PCDHA5: variants seen among roughly 807,000 people sequenced by gnomAD.
PCDHA5 encodes the protein protocadherin alpha 5, also known as protocadherin alpha-5.
Under a neutral mutation model 61.6 loss-of-function variants are expected in PCDHA5, and 43 were observed. The observed-to-expected ratio is 0.70, with a 90% CI of 0.55 to 0.90. The LOEUF (loss-of-function observed/expected upper bound fraction) is 0.90. Among genes scored for constraint, PCDHA5 ranks in the 40% least tolerant of loss-of-function variants. The pLI, the probability that PCDHA5 is intolerant of heterozygous loss-of-function variation, is 0.00. For missense variants in PCDHA5, 1,298 were observed against 1,222.7 expected (o/e 1.06, Z -0.92); for synonymous variants, 627 against 543.9 (o/e 1.15, Z -2.13).
intron 1 of PCDHA5, chr5:140,875,810 C>A: frequency 6.2e-7 from 1 of 1,614,106 alleles, no homozygotes; most frequent in Non-Finnish European, 8.5e-7. Flanking sequence ...GTGGACAGGC[C>A]GCTGCAGGTT....
chr5:140,875,419 G>A (rs782346114), intron 1 of PCDHA5: 51 of 1,516,154 alleles, frequency 3.4e-5, no homozygotes, highest in Admixed American at 4.8e-5. Context: ...AATACCTCAG[G>A]CAAGCGATCC....
chr5:140,978,994 G>A lies in PCDHA5; in HGVS notation c.2398G>A (p.Ala800Thr). The A allele has an allele frequency of 6.2e-7, 1 of 1,614,152 alleles. No homozygotes were observed. The highest frequency in any genetic ancestry group is 8.5e-7 in the Non-Finnish European group (1 of 1,180,022). The change falls in exon 2 of 4, where the codon GCA (alanine) becomes ACA (threonine). Residue 800 changes from alanine to threonine, a missense_variant. Coordinates refer to ENST00000529859, the MANE Select transcript of PCDHA5 (RefSeq NM_018908.3). ...CTGGCGTTACTCTGCCTCCCTGAGA[G>A]CAGGCATGCACAGGTATGTATTTCC... ...PDWRYSASLR[A>T]GMHSSVHLEE... is the part of the protein sequence containing the mutation.
chr5:140,848,207 C>A (rs1279518262), intron 1 of PCDHA5: 2 of 340,884 alleles, frequency 5.9e-6, no homozygotes, highest in Non-Finnish European at 1.1e-5. Context: ...ACAATCATTA[C>A]TTAAGAAAAA....
At chr5:140,824,412 G>A (rs1250148908) in intron 1 of PCDHA5, 1 of 519,034 alleles carries the variant, frequency 1.9e-6, no homozygotes. Context: ...GTAAGACATA[G>A]TTTGGAGTCA....
chr5:140,869,014 T>C (rs929309556), intron 1 of PCDHA5: 5 of 1,524,414 alleles, frequency 3.3e-6, no homozygotes, highest in Admixed American at 2.2e-5. Flanking sequence ...TGAAACTTCT[T>C]AAGAATTCAA....
At position 140,821,956 on chromosome 5, in the gene PCDHA5, C is replaced by T. The variant is rs1767130325; in HGVS notation, c.181C>T (p.Arg61Cys). 1.2e-6 allele frequency: 2 copies of T among 1,614,176 alleles called. No homozygotes were observed. The highest frequency in any genetic ancestry group is 1.7e-4 in the Middle Eastern group (1 of 6,046). ...LGLELAELVP[R>C]LFRVASKGRG... The stretch of plus-strand genomic sequence containing the variant: ...GCTGGAGCTGGCGGAGCTGGTGCCG[C>T]GCCTGTTCCGGGTGGCGTCCAAGGG... The change falls in exon 1 of 4, where the codon CGC becomes TGC. Residue 61 changes from arginine (R) to cysteine (C), a missense_variant. Coordinates refer to ENST00000529859, the MANE Select transcript of PCDHA5 (RefSeq NM_018908.3).
chr5:140,868,899 C>T (rs2050726190), intron 1 of PCDHA5: 5 of 804,894 alleles, frequency 6.2e-6, no homozygotes, highest in Admixed American at 3.0e-5. Flanking sequence ...CGCAAGGTGT[C>T]GCTCTTTACT....
At chr5:140,907,134 C>A (rs1167927748) in intron 1 of PCDHA5, among the ~76,000 whole-genome samples, 1 of 152,112 alleles carries the variant, frequency 6.6e-6, no homozygotes, top group Non-Finnish European at 1.5e-5. Flanking sequence ...CCTGTGAATT[C>A]CGGCTATGGG....
chr5:140,966,206 T>C, intron 1 of PCDHA5: 1 of 227,662 alleles, frequency 4.4e-6, no homozygotes, highest in Non-Finnish European at 8.5e-6. Context: ...GCTTGACTGC[T>C]TTTCCCAGAC....
chr5:140,967,659 G>A, intron 1 of PCDHA5: 1 of 1,614,218 alleles, frequency 6.2e-7, no homozygotes, highest in Non-Finnish European at 8.5e-7. Flanking sequence ...TCCTTGAGCA[G>A]CTACACGTCG....
rs140380568 is a variant in PCDHA5, at chr5:140,850,532, G to T, written c.2352+26405G>T. On this transcript the variant is annotated intron_variant, in intron 1 of 3. Coordinates refer to ENST00000529859, the MANE Select transcript of PCDHA5 (RefSeq NM_018908.3). ...AGAGCGGCCAGGCGCCAAAGTCATC[G>T]TCGCGGGCGTCAGTGGGTGCCACGG... is the stretch of plus-strand genomic sequence containing the variant. 5.9e-5 allele frequency: 94 copies of T among 1,598,250 alleles called. 12 individuals carry two copies. Among genetic ancestry groups the T allele is most frequent in the Non-Finnish European group, 7.6e-5 (89 of 1,167,856 alleles).
At chr5:140,899,494 T>C (rs1387191802) in intron 1 of PCDHA5, among the ~76,000 whole-genome samples, 3 of 152,250 alleles carry the variant, frequency 2.0e-5, no homozygotes, top group Admixed American at 2.0e-4. Flanking sequence ...GGATTACATT[T>C]ATTGATTTGC....
At chr5:140,927,118 G>C in intron 1 of PCDHA5, 1 of 1,613,946 alleles carries the variant, frequency 6.2e-7, no homozygotes, top group Non-Finnish European at 8.5e-7. Context: ...CGGCAATTTG[G>C]TGGTCAGAGA....
chr5:140,959,057 G>A (rs1437392976), intron 1 of PCDHA5, among the ~76,000 whole-genome samples: 1 of 152,092 alleles, frequency 6.6e-6, no homozygotes, highest in Non-Finnish European at 1.5e-5. Context: ...AAAAAATGCA[G>A]TATATATAGA....
At chr5:140,855,486 GTC>G (rs2150336982) in intron 1 of PCDHA5, among the ~76,000 whole-genome samples, 1 of 149,948 alleles carries the variant, frequency 6.7e-6, no homozygotes, top group South Asian at 2.1e-4. Context: ...TGACATTAGT[GTC>G]TAAATAAACC....
At chr5:141,007,970 T>C (rs986378123) in intron 3 of PCDHA5, among the ~76,000 whole-genome samples, 3 of 152,248 alleles carry the variant, frequency 2.0e-5, no homozygotes, top group Admixed American at 6.5e-5. Flanking sequence ...TCTGGGTGTC[T>C]GTCATGTATA....
At chr5:140,904,560 T>G (rs2071228381) in intron 1 of PCDHA5, among the ~76,000 whole-genome samples, 1 of 152,102 alleles carries the variant, frequency 6.6e-6, no homozygotes, top group African/African-American at 2.4e-5. Flanking sequence ...AATGACTTTT[T>G]TTTCCTCTGG....
intron 1 of PCDHA5, among the ~76,000 whole-genome samples, chr5:140,854,934 C>G (rs1363898254): frequency 6.7e-6 from 1 of 149,702 alleles, no homozygotes; most frequent in Non-Finnish European, 1.5e-5. Flanking sequence ...CCTCTGAAAG[C>G]AGAAATAATA....
chr5:140,970,776 A>G lies in PCDHA5; in HGVS notation c.2353-8173A>G, dbSNP rs1338334067. Among the ~76,000 whole-genome samples the G allele has an allele frequency of 1.3e-5, 2 of 152,212 alleles. 1 individual carries two copies. The highest frequency in any genetic ancestry group is 4.8e-5 in the African/African-American group (2 of 41,458). On this transcript the variant is annotated intron_variant, in intron 1 of 3. Coordinates refer to ENST00000529859, the MANE Select transcript of PCDHA5 (RefSeq NM_018908.3). Reference sequence around the variant, plus strand: ...TTCATTGACATATTGCTGTACATACATATTGTATGTAATATCCATATTGTT... The same window carrying G: ...TTCATTGACATATTGCTGTACATACGTATTGTATGTAATATCCATATTGTT...
Sources: allele counts gnomAD v4.1 joint callset (sites outside exome capture counted in the v4.1 genomes callset), GRCh38; gene constraint gnomAD v4.1.1; transcripts MANE v1.5; gene names NCBI Gene and HGNC (gene_info 2026-07-23, HGNC 2026-07-21).